Variants in CDKAL1 observed in about 807,000 individuals in gnomAD.
CDKAL1 encodes the protein CDKAL1 threonylcarbamoyladenosine tRNA methylthiotransferase.
A neutral mutation model predicts 68.2 loss-of-function variants in CDKAL1; 32 were observed. The ratio of observed to expected loss-of-function variants is 0.47; its 90% CI spans 0.35 to 0.63. The LOEUF (loss-of-function observed/expected upper bound fraction) is 0.63, where lower values mean the gene tolerates loss of function less well. Ranked by LOEUF, CDKAL1 falls within the 30% of genes least tolerant of loss-of-function variation. The pLI, the probability that CDKAL1 is intolerant of heterozygous loss-of-function variation, is 0.00. For synonymous variants in CDKAL1, 234 were observed against 244.3 expected (o/e 0.96, Z 0.39); for missense variants, 606 against 696.7 (o/e 0.87, Z 1.47).
At chr6:21,146,158 C>T (rs544280386) in intron 13 of CDKAL1, among the ~76,000 whole-genome samples, 11 of 152,258 alleles carry the variant, frequency 7.2e-5, no homozygotes, top group African/African-American at 2.4e-4. Flanking sequence ...AATAAAACAT[C>T]GTCAAATACT....
At chr6:21,111,023 A>G (rs999616834) in intron 13 of CDKAL1, among the ~76,000 whole-genome samples, 3 of 152,222 alleles carry the variant, frequency 2.0e-5, no homozygotes, top group African/African-American at 4.8e-5. Flanking sequence ...ATAGGGTACA[A>G]TAAAATAAGA....
chr6:20,604,864 T>C (rs1766266889), intron 4 of CDKAL1, among the ~76,000 whole-genome samples: 1 of 152,250 alleles, frequency 6.6e-6, no homozygotes, highest in Non-Finnish European at 1.5e-5. Flanking sequence ...TTGTTACACC[T>C]AGTAACTCAC....
chr6:20,817,949 C>T (rs1163506802), intron 8 of CDKAL1, among the ~76,000 whole-genome samples: 1 of 152,086 alleles, frequency 6.6e-6, no homozygotes, highest in Non-Finnish European at 1.5e-5. Context: ...CTGAAGCCTC[C>T]CATTCCTGAA....
At chr6:20,875,864 A>ATT (rs779544000) in intron 9 of CDKAL1, among the ~76,000 whole-genome samples, 6 of 152,196 alleles carry the variant, frequency 3.9e-5, no homozygotes, top group Admixed American at 1.3e-4. Context: ...TCTGTGTGTG[A>ATT]TTTGTATAAT....
At chr6:20,832,922 TAA>T (rs1339534864) in intron 8 of CDKAL1, among the ~76,000 whole-genome samples, 6 of 152,212 alleles carry the variant, frequency 3.9e-5, no homozygotes, top group Admixed American at 3.9e-4. Flanking sequence ...GTCTGAGGAT[TAA>T]ATGGTCCTGA....
At chr6:20,743,847 G>A (rs1041671597) in intron 6 of CDKAL1, among the ~76,000 whole-genome samples, 9 of 152,144 alleles carry the variant, frequency 5.9e-5, no homozygotes, top group Non-Finnish European at 8.8e-5. Context: ...TCTTCACAAT[G>A]GAAGCGGAGA....
At chr6:21,073,161 A>G (rs1428098053) in intron 12 of CDKAL1, among the ~76,000 whole-genome samples, 2 of 152,164 alleles carry the variant, frequency 1.3e-5, no homozygotes, top group African/African-American at 4.8e-5. Context: ...CTGATAGCTC[A>G]TTTTATTTTA....
At chr6:20,875,170 G>A (rs1167521757) in intron 9 of CDKAL1, among the ~76,000 whole-genome samples, 2 of 151,606 alleles carry the variant, frequency 1.3e-5, no homozygotes, top group Admixed American at 6.6e-5. Flanking sequence ...GCGGTGGCAG[G>A]CGCCTGTAGT....
intron 4 of CDKAL1, among the ~76,000 whole-genome samples, chr6:20,573,734 T>G (rs1274457860): frequency 1.3e-5 from 2 of 152,198 alleles, no homozygotes; most frequent in Non-Finnish European, 2.9e-5. Flanking sequence ...AAATATGTCC[T>G]TTACCCATAC....
chr6:20,745,526 T>C (rs2150332120), intron 6 of CDKAL1, among the ~76,000 whole-genome samples: 1 of 152,330 alleles, frequency 6.6e-6, no homozygotes, highest in East Asian at 1.9e-4. Context: ...CATTTATGTT[T>C]TTCCCTTCCT....
chr6:20,857,252 T>C (rs1382146234), intron 9 of CDKAL1, among the ~76,000 whole-genome samples: 1 of 152,220 alleles, frequency 6.6e-6, no homozygotes, highest in Non-Finnish European at 1.5e-5. Flanking sequence ...TCTTAGTTAA[T>C]CATTTCTGGT....
At chr6:20,644,539 G>A (rs1219677113) in intron 4 of CDKAL1, among the ~76,000 whole-genome samples, 1 of 152,110 alleles carries the variant, frequency 6.6e-6, no homozygotes, top group Non-Finnish European at 1.5e-5. Context: ...AATTAGCCGG[G>A]TGTGATGGCG....
At position 21,000,314 on chromosome 6, in the gene CDKAL1, A is replaced by G. The variant is rs745867607; in HGVS notation, c.997A>G (p.Met333Val). The G allele has an allele frequency of 3.1e-6, 5 of 1,613,962 alleles. No homozygotes were observed. The South Asian group carries it at 4.4e-5, about 14-fold the overall frequency. The change falls in exon 11 of 16, where the codon ATG (methionine) becomes GTG (valine). Residue 333 changes from methionine (M) to valine (V), a missense_variant. Coordinates refer to ENST00000274695, the MANE Select transcript of CDKAL1 (RefSeq NM_017774.3). Reference protein sequence around the residue: ...QSASDSVLMEMKREYCVADFK... With the variant: ...QSASDSVLMEVKREYCVADFK... ...TGCCTCCGACAGCGTACTCATGGAA[A>G]TGAAAAGAGAATACTGTGTGGCTGA...
chr6:20,739,476 C>A, intron 5 of CDKAL1, 43 bp from the exon 6 acceptor site: 3 of 1,244,388 alleles, frequency 2.4e-6, no homozygotes, highest in South Asian at 2.5e-5. Context: ...AGAGTATACC[C>A]ATGAGCAAAG....
At chr6:20,690,981 A>G (rs1770845105) in intron 5 of CDKAL1, among the ~76,000 whole-genome samples, 1 of 152,228 alleles carries the variant, frequency 6.6e-6, no homozygotes, top group African/African-American at 2.4e-5. Flanking sequence ...TATACTTTTA[A>G]AATGAAACAT....
chr6:20,673,841 G>A (rs1331067716), intron 5 of CDKAL1, among the ~76,000 whole-genome samples: 2 of 152,180 alleles, frequency 1.3e-5, no homozygotes, highest in Non-Finnish European at 2.9e-5. Flanking sequence ...GGAACTGTAA[G>A]TCCAATAAAC....
At position 21,201,235 on chromosome 6, in the gene CDKAL1, C is replaced by T. The variant is rs1778677404; in HGVS notation, c.1509C>T (p.Ser503=). Reference sequence around the variant, plus strand: ...CCAAAGTGTACACGCCCTCCATCAGCAAACCGCTAGCAAAGGGAGAAGTCT... The same window carrying T: ...CCAAAGTGTACACGCCCTCCATCAGTAAACCGCTAGCAAAGGGAGAAGTCT... ...SDAKVYTPSI[S]KPLAKGEVSG... is the part of the protein sequence containing the mutation. Residue 503 remains serine (S), a synonymous_variant, in exon 15 of 16, where the codon AGC becomes AGT. Coordinates refer to ENST00000274695, the MANE Select transcript of CDKAL1 (RefSeq NM_017774.3). 3.1e-6 allele frequency: 5 copies of T among 1,611,834 alleles called. No individual in the cohort carries two copies. The highest frequency in any genetic ancestry group is 4.2e-6 in the Non-Finnish European group (5 of 1,178,228).
At chr6:20,847,414 G>A (rs905080318) in intron 9 of CDKAL1, among the ~76,000 whole-genome samples, 2 of 152,092 alleles carry the variant, frequency 1.3e-5, no homozygotes, top group East Asian at 3.8e-4. Context: ...CTTAATTAGT[G>A]TTTGTTTTTC....
At chr6:20,656,512 G>T (rs1264122771) in intron 5 of CDKAL1, among the ~76,000 whole-genome samples, 1 of 151,838 alleles carries the variant, frequency 6.6e-6, no homozygotes, top group Non-Finnish European at 1.5e-5. Flanking sequence ...GCCTGTGATT[G>T]TCTCAAATTA....
Sources: gnomAD v4.1 joint callset for allele counts (sites outside exome capture counted in the v4.1 genomes callset) on GRCh38, gnomAD v4.1.1 for gene constraint, MANE v1.5 for transcripts, NCBI Gene and HGNC (gene_info 2026-07-23, HGNC 2026-07-21) for gene names.